Variants in DST observed in about 807,000 individuals in gnomAD.
DST encodes the protein dystonin.
DST carries 253 observed loss-of-function variants against 875.2 expected under a neutral mutation model. That is an observed-to-expected ratio of 0.29 (90% CI 0.26 to 0.32). DST has a LOEUF of 0.32. Among genes scored for constraint, DST ranks in the 10% least tolerant of loss-of-function variants. The pLI, the probability that DST is intolerant of heterozygous loss-of-function variation, is 1.00. For synonymous variants in DST, 3,124 were observed against 3,197.1 expected (o/e 0.98, Z 0.77); for missense variants, 8,287 against 9,111.6 (o/e 0.91, Z 3.68).
chr6:56,801,025 GAAA>G (rs34514599), intron 4 of DST, among the ~76,000 whole-genome samples: 17 of 66,968 alleles, frequency 2.5e-4, no homozygotes, highest in African/African-American at 6.3e-4. Flanking sequence ...GTCTCAGGGA[GAAA>G]AAAAAAAAAA....
At chr6:56,531,914 G>A (rs1210453113) in intron 64 of DST, among the ~76,000 whole-genome samples, 1 of 152,000 alleles carries the variant, frequency 6.6e-6, no homozygotes, top group East Asian at 1.9e-4. Context: ...GGTTCTTCCT[G>A]TGATATGCTC....
In DST at chr6:56,872,832, C is replaced by CCGCT. The variant is rs5876523; in HGVS notation, c.418-21229_418-21228insAGCG. On this transcript the variant is annotated intron_variant, in intron 3 of 103. Transcript: ENST00000680361. ...CTTCAATACACTGATTCCCCCCCCC[C>CCGCT]TTTTTTTTTTTTTCGGATATATACC... Among the ~76,000 whole-genome samples, 6 of 127,860 alleles carry CCGCT rather than the reference C, an allele frequency of 4.7e-5. 1 individual carries two copies. Among genetic ancestry groups the CCGCT allele is most frequent in the Non-Finnish European group, 9.9e-5 (6 of 60,610 alleles). 83.9% of individuals were successfully genotyped at this position (127,860 alleles called of 152,430 possible). A position where few individuals can be genotyped will look rare whatever the true frequency, so the allele number is the denominator to read the frequency against.
At chr6:56,497,756 G>A (rs962559713) in intron 81 of DST, 100 bp downstream of exon 81, 14 of 1,128,960 alleles carry the variant, frequency 1.2e-5, no homozygotes, top group Non-Finnish European at 2.5e-6. Flanking sequence ...TCTCCTTAAG[G>A]TATAAAAATT....
chr6:56,810,526 T>A (rs2153034546), intron 4 of DST, among the ~76,000 whole-genome samples: 1 of 152,270 alleles, frequency 6.6e-6, no homozygotes, highest in African/African-American at 2.4e-5. Context: ...AACCTAATAA[T>A]TTGCAAATCC....
rs537474528 is a variant in DST, at chr6:56,898,083, G to T, written c.417+2338C>A. Among the ~76,000 whole-genome samples the T allele has an allele frequency of 3.9e-5, 6 of 152,264 alleles. No individual in the cohort carries two copies. The South Asian group carries it at 1.2e-3, about 32-fold the overall frequency. On this transcript the variant is annotated intron_variant, in intron 3 of 103. Coordinates refer to ENST00000680361, the MANE Select transcript of DST (RefSeq NM_001374736.1). Reference sequence around the variant, plus strand: ...CTCTCTTCAGTTAAATCCTCTTAGTGTGCTGTTTCCTGCAGATACACAGAG... The same window carrying T: ...CTCTCTTCAGTTAAATCCTCTTAGTTTGCTGTTTCCTGCAGATACACAGAG...
intron 27 of DST, 128 bp downstream of exon 27, chr6:56,634,004 A>T: frequency 3.7e-6 from 4 of 1,094,802 alleles, no homozygotes; most frequent in Non-Finnish European, 5.5e-6. Flanking sequence ...TATTCATTGA[A>T]TAAATGAATA....
At chr6:56,720,834 C>T (rs1031235287) in intron 5 of DST, among the ~76,000 whole-genome samples, 9 of 152,208 alleles carry the variant, frequency 5.9e-5, no homozygotes, top group East Asian at 1.9e-4. Context: ...AAACCGCCAT[C>T]GTCATCATGG....
intron 10 of DST, among the ~76,000 whole-genome samples, chr6:56,662,969 AAAACAAAACAAAG>A (rs1422572833): frequency 6.6e-6 from 1 of 152,152 alleles, no homozygotes; most frequent in African/African-American, 2.4e-5. Context: ...AAAACAGAAC[AAAACAAAACAAAG>A]AAACAAAACA....
At chr6:56,653,837 G>A (rs1037137147) in intron 10 of DST, among the ~76,000 whole-genome samples, 1 of 152,192 alleles carries the variant, frequency 6.6e-6, no homozygotes, top group African/African-American at 2.4e-5. Context: ...GAAGACGCCT[G>A]TGCTGTGTGT....
rs575847149 is a variant in DST, at chr6:56,695,763, A to G, written c.1047+3890T>C. ...TACTGTAATGATAATGCTTACCTTC[A>G]GAAAGCCTGACTGAAAAACAGATTC... is the stretch of plus-strand genomic sequence containing the variant. On this transcript the variant is annotated intron_variant, in intron 9 of 103. Coordinates refer to ENST00000680361, the MANE Select transcript of DST (RefSeq NM_001374736.1). Among the ~76,000 whole-genome samples the G allele has an allele frequency of 7.2e-5, 11 of 152,340 alleles. No homozygotes were observed. The South Asian group carries it at 1.4e-3, about 20-fold the overall frequency.
At position 56,529,525 on chromosome 6, in the gene DST, C is replaced by A. The variant is rs2096859583; in HGVS notation, c.17518G>T (p.Val5840Leu). 1.9e-6 allele frequency: 3 copies of A among 1,612,886 alleles called. No homozygotes were observed. The highest frequency in any genetic ancestry group is 2.5e-6 in the Non-Finnish European group (3 of 1,179,400). Residue 5840 changes from valine (V) to leucine (L), a missense_variant, in exon 66 of 104, where the codon GTG becomes TTG. This residue lies in a region of DST where 777 missense variants were observed against 764.8 expected (regional missense o/e 1.02). Coordinates refer to ENST00000680361, the MANE Select transcript of DST (RefSeq NM_001374736.1). ...EVELMNWLNE[V>L]HDKLSKLSVQ... ...GAGAGCTTGCTCAGTTTGTCATGCA[C>A]TTCATTCAGCCAGTTCATCAGTTCA...
At chr6:56,925,887 C>T (rs1025689839) in intron 2 of DST, among the ~76,000 whole-genome samples, 1 of 152,140 alleles carries the variant, frequency 6.6e-6, no homozygotes, top group Non-Finnish European at 1.5e-5. Flanking sequence ...AACATAATTT[C>T]CTGATGCAGG....
chr6:56,706,178 G>T (rs1189620028), intron 5 of DST, among the ~76,000 whole-genome samples: 1 of 152,074 alleles, frequency 6.6e-6, no homozygotes, highest in Non-Finnish European at 1.5e-5. Flanking sequence ...GCCGTGCATG[G>T]TGGCAGGTGC....
intron 4 of DST, among the ~76,000 whole-genome samples, chr6:56,793,641 A>G (rs979739666): frequency 3.3e-5 from 5 of 152,326 alleles, no homozygotes; most frequent in African/African-American, 7.2e-5. Context: ...GCTTTTTCTT[A>G]GTGCAGCAAA....
chr6:56,850,334 C>T (rs1044920382), intron 4 of DST, among the ~76,000 whole-genome samples: 2 of 150,394 alleles, frequency 1.3e-5, no homozygotes, highest in Non-Finnish European at 3.0e-5. Flanking sequence ...GCCTTGATGG[C>T]CGGAATCTGG....
chr6:56,459,096 C>G lies in DST; in HGVS notation c.23366G>C (p.Gly7789Ala). 1.9e-6 allele frequency: 3 copies of G among 1,614,008 alleles called. No homozygotes were observed. In the South Asian group the frequency reaches 3.3e-5, roughly 18 times the overall value. Residue 7789 changes from glycine to alanine, a missense_variant, in exon 104 of 104, where the codon GGT becomes GCT. By Grantham distance (60) the Gly-to-Ala change is moderately conservative. Transcript: ENST00000680361. ...AGGCTTCGCTGTGGATGGCCGAGAA[C>G]CTGCTCGGGGTGTAGGTCTGTGTGT... ...PQTHRPTPRA[G>A]SRPSTAKPSK...
At chr6:56,610,725 T>C (rs1425569450) in intron 38 of DST, among the ~76,000 whole-genome samples, 163 bp from the exon 39 acceptor site, 1 of 152,152 alleles carries the variant, frequency 6.6e-6, no homozygotes, top group Non-Finnish European at 1.5e-5. Context: ...AAGAATGGCC[T>C]TAAAATATCT....
rs1241316421 is a variant in DST at position 56,601,639 on chromosome 6, A to G, written c.11345T>C (p.Leu3782Pro). Residue 3782 changes from leucine to proline, a missense_variant, in exon 44 of 104, where the codon CTG becomes CCG. Coordinates refer to ENST00000680361, the MANE Select transcript of DST (RefSeq NM_001374736.1). ...LKDLGHTKMQ[L>P]ETTAFDVQFF... ...CTGCACATCAAAGGCAGTAGTCTCC[A>G]GCTGCATTTTGGTATGTCCAAGGTC... 5.0e-6 allele frequency: 8 copies of G among 1,591,828 alleles called. No individual in the cohort carries two copies. The Admixed American group carries it at 1.4e-4, about 28-fold the overall frequency.
intron 4 of DST, among the ~76,000 whole-genome samples, chr6:56,827,289 G>A (rs1197534562): frequency 6.6e-6 from 1 of 152,104 alleles, no homozygotes; most frequent in African/African-American, 2.4e-5. Context: ...GCCGAGGCGG[G>A]TGGATCACCA....
Sources: gnomAD v4.1 joint callset for allele counts (sites outside exome capture counted in the v4.1 genomes callset) on GRCh38, gnomAD v4.1.1 for gene constraint, gnomAD v4.1.1 regional missense constraint, MANE v1.5 for transcripts, NCBI Gene and HGNC (gene_info 2026-07-23, HGNC 2026-07-21) for gene names.